Variants in ADAM7 observed in about 807,000 individuals in gnomAD.
The protein encoded by ADAM7 is ADAM metallopeptidase domain 7.
ADAM7 carries 97 observed loss-of-function variants against 102.9 expected under a neutral mutation model. That is an observed-to-expected ratio of 0.94 (90% CI 0.80 to 1.12). ADAM7 has a LOEUF of 1.12. ADAM7 is among the 50% of genes most tolerant of loss of function. The probability of loss-of-function intolerance (pLI) is 0.00; values close to 1 mark genes in which losing one functional copy is unlikely to be tolerated. For synonymous variants in ADAM7, 334 were observed against 304.4 expected (o/e 1.10, Z -1.01); for missense variants, 991 against 908.7 (o/e 1.09, Z -1.16).
intron 3 of ADAM7, among the ~76,000 whole-genome samples, chr8:24,455,498 T>C (rs1180436763): frequency 6.6e-6 from 1 of 152,172 alleles, no homozygotes; most frequent in Non-Finnish European, 1.5e-5. Context: ...GATCTCAACC[T>C]CCTGGGCTCA....
At chr8:24,457,310 C>G (rs11781772) in intron 3 of ADAM7, among the ~76,000 whole-genome samples, 1 of 151,734 alleles carries the variant, frequency 6.6e-6, no homozygotes, top group African/African-American at 2.4e-5. Flanking sequence ...TTTCCTCACT[C>G]TGTCATCTAG....
intron 16 of ADAM7, among the ~76,000 whole-genome samples, chr8:24,497,283 A>G (rs1820592734): frequency 6.6e-6 from 1 of 152,200 alleles, no homozygotes; most frequent in Non-Finnish European, 1.5e-5. Context: ...AGTCTCATGT[A>G]TGTCTTTATC....
chr8:24,487,110 C>A, intron 10 of ADAM7, 77 bp from the exon 11 acceptor site: 1 of 1,448,578 alleles, frequency 6.9e-7, no homozygotes, highest in South Asian at 1.4e-5. Flanking sequence ...CCAGGTCTTT[C>A]AACCACTAGT....
intron 3 of ADAM7, among the ~76,000 whole-genome samples, chr8:24,452,342 G>A (rs1818829014): frequency 1.3e-5 from 2 of 148,606 alleles, no homozygotes; most frequent in Non-Finnish European, 3.0e-5. Context: ...TCCTGTATTG[G>A]GTGCATATAT....
chr8:24,445,063 T>G (rs1481348205), intron 2 of ADAM7, among the ~76,000 whole-genome samples: 1 of 152,184 alleles, frequency 6.6e-6, no homozygotes, highest in Non-Finnish European at 1.5e-5. Flanking sequence ...ATTAACAATA[T>G]TGACAATATT....
chr8:24,474,366 T>G (rs940992993), intron 7 of ADAM7, among the ~76,000 whole-genome samples: 2 of 152,178 alleles, frequency 1.3e-5, no homozygotes, highest in African/African-American at 4.8e-5. Flanking sequence ...ATTAAAATTT[T>G]TACTCATATA....
chr8:24,460,641 T>G (rs192373030), intron 3 of ADAM7, among the ~76,000 whole-genome samples: 14 of 151,484 alleles, frequency 9.2e-5, no homozygotes, highest in African/African-American at 3.4e-4. Flanking sequence ...TCATTTTATG[T>G]GAAATGTAAA....
chr8:24,450,265 A>G (rs1818730807), intron 3 of ADAM7, among the ~76,000 whole-genome samples: 1 of 152,166 alleles, frequency 6.6e-6, no homozygotes, highest in African/African-American at 2.4e-5. Context: ...CACGATATTG[A>G]TTCTTCCTAC....
intron 6 of ADAM7, among the ~76,000 whole-genome samples, 196 bp from the exon 7 acceptor site, chr8:24,468,571 G>C (rs1476324408): frequency 6.6e-6 from 1 of 151,992 alleles, no homozygotes; most frequent in Non-Finnish European, 1.5e-5. Context: ...AAAATCCGAT[G>C]TATAGGACCC....
At chr8:24,442,852 T>A (rs1001485509) in intron 2 of ADAM7, among the ~76,000 whole-genome samples, 2 of 152,172 alleles carry the variant, frequency 1.3e-5, no homozygotes, top group Admixed American at 6.5e-5. Context: ...ACCTCATTTG[T>A]TCTGAGCCGG....
intron 7 of ADAM7, among the ~76,000 whole-genome samples, chr8:24,472,170 G>C (rs1197567605): frequency 6.8e-6 from 1 of 146,560 alleles, no homozygotes; most frequent in African/African-American, 2.5e-5. Flanking sequence ...GTATTTTTTA[G>C]CTCCTCTCCA....
At chr8:24,472,370 T>C (rs960252562) in intron 7 of ADAM7, among the ~76,000 whole-genome samples, 6 of 151,914 alleles carry the variant, frequency 3.9e-5, no homozygotes, top group African/African-American at 7.2e-5. Context: ...AGAAAATACA[T>C]AGAAATAGCA....
chr8:24,450,715 C>T (rs572552377), intron 3 of ADAM7, among the ~76,000 whole-genome samples: 2,892 of 151,118 alleles, frequency 0.019, 98 homozygotes, highest in African/African-American at 0.067. Context: ...AGAGGGCATC[C>T]CTGTCTTGTG....
At chr8:24,500,535 C>T (rs1028926754) in intron 18 of ADAM7, among the ~76,000 whole-genome samples, 2 of 152,122 alleles carry the variant, frequency 1.3e-5, no homozygotes, top group African/African-American at 4.8e-5. Context: ...TATTAACTGA[C>T]AATCAAAACT....
In ADAM7 at chr8:24,504,599, C is replaced by T. The variant is rs79845850; in HGVS notation, c.2209-2881C>T. ...AACTGACTCTTGCTAGATGCAAGTG[C>T]CAATAAAAATATTATATTGCCAGTA... On this transcript the variant is annotated intron_variant, in intron 20 of 21. Transcript: ENST00000175238. Among the ~76,000 whole-genome samples, 468 of 152,212 alleles carry T rather than the reference C, an allele frequency of 3.1e-3. 2 individuals are homozygous for T. The highest frequency in any genetic ancestry group is 0.011 in the African/African-American group (451 of 41,544).
intron 7 of ADAM7, among the ~76,000 whole-genome samples, chr8:24,475,023 C>T (rs1306872450): frequency 6.6e-6 from 1 of 152,054 alleles, no homozygotes; most frequent in African/African-American, 2.4e-5. Flanking sequence ...TATATCTCCA[C>T]AATAATGAGG....
Position 24,463,980 on chromosome 8 carries a change from T to G in ADAM7, c.312+20T>G. 6.3e-7 allele frequency: 1 copy of G among 1,592,716 alleles called. No individual in the cohort carries two copies. The highest frequency in any genetic ancestry group is 1.1e-5 in the South Asian group (1 of 90,556). On this transcript the variant is annotated intron_variant, in intron 4 of 21. Transcript: ENST00000175238. ...ATCATGGTATCTTATGGAACTTTAC[T>G]GTGTCTCTTCTCTAAAAGCAGTATT...
At chr8:24,489,439 CTT>C in intron 12 of ADAM7, 106 bp downstream of exon 12, 1 of 1,133,836 alleles carries the variant, frequency 8.8e-7, no homozygotes, top group African/African-American at 1.6e-5. Context: ...CCTTGTAAAA[CTT>C]TTAAAAATTT....
At position 24,492,480 on chromosome 8, in the gene ADAM7, C is replaced by T; in HGVS notation, c.1553-15C>T. ...ATGCTTTATTGTTTTACTTTTATAC[C>T]ATTTTTTACCCCAGAGGCAATAGAG... On this transcript the variant is annotated splice_polypyrimidine_tract_variant and intron_variant, in intron 14 of 21. Transcript: ENST00000175238. 1.3e-6 allele frequency: 2 copies of T among 1,551,448 alleles called. No individual in the cohort carries two copies. The highest frequency in any genetic ancestry group is 1.4e-5 in the African/African-American group (1 of 71,966).
Sources: allele counts gnomAD v4.1 joint callset (sites outside exome capture counted in the v4.1 genomes callset), GRCh38; gene constraint gnomAD v4.1.1; transcripts MANE v1.5; gene names NCBI Gene and HGNC (gene_info 2026-07-23, HGNC 2026-07-21).